Variants in ARL15 observed in about 807,000 individuals in gnomAD.
The protein encoded by ARL15 is ARF like GTPase 15, also known as ADP-ribosylation factor-like protein 15.
In ARL15, 19 loss-of-function variants were observed where a neutral mutation model predicts 25.2. That is an observed-to-expected ratio of 0.75 (90% CI 0.53 to 1.10). ARL15 has a LOEUF of 1.10. Ranked by LOEUF, ARL15 falls within the 50% of genes least tolerant of loss-of-function variation. The pLI, the probability that ARL15 is intolerant of heterozygous loss-of-function variation, is 0.00. For synonymous variants in ARL15, 94 were observed against 86.8 expected (o/e 1.08, Z -0.46); for missense variants, 220 against 246.0 (o/e 0.89, Z 0.71).
Position 53,900,052 on chromosome 5 carries a change from GC to G in ARL15, c.463-13340del, listed in dbSNP as rs1042986834. Among the ~76,000 whole-genome samples the G allele has an allele frequency of 2.5e-4, 38 of 152,154 alleles. 1 individual carries two copies. Among genetic ancestry groups the G allele is most frequent in the Non-Finnish European group, 8.8e-5 (6 of 68,026 alleles). ...TACGAAATTATCAGTAACTGAAGAG[GC>G]CTGTGGTTGACAGAAACAGAATGCC... On this transcript the variant is annotated intron_variant, in intron 4 of 4. Coordinates refer to ENST00000504924, the MANE Select transcript of ARL15 (RefSeq NM_019087.3).
At chr5:54,195,417 G>T (rs1561261854) in intron 1 of ARL15, among the ~76,000 whole-genome samples, 1 of 152,118 alleles carries the variant, frequency 6.6e-6, no homozygotes, top group East Asian at 1.9e-4. Flanking sequence ...ACAACTGAAG[G>T]CCCCACAGTC....
At chr5:54,144,522 T>C (rs1212231597) in intron 3 of ARL15, among the ~76,000 whole-genome samples, 2 of 152,232 alleles carry the variant, frequency 1.3e-5, no homozygotes, top group African/African-American at 4.8e-5. Context: ...TCTCTCTGAA[T>C]GTCTTCTTCT....
At chr5:53,968,884 G>A (rs1014355992) in intron 4 of ARL15, among the ~76,000 whole-genome samples, 2 of 151,850 alleles carry the variant, frequency 1.3e-5, no homozygotes, top group South Asian at 2.1e-4. Context: ...GGCTGGGCAC[G>A]GTGACTCACG....
At chr5:54,239,540 T>A (rs2112572333) in intron 1 of ARL15, among the ~76,000 whole-genome samples, 1 of 152,270 alleles carries the variant, frequency 6.6e-6, no homozygotes, top group African/African-American at 2.4e-5. Flanking sequence ...TCTCCTCTCT[T>A]TTGTAGTGAG....
chr5:54,306,391 C>CT (rs11338403), intron 1 of ARL15, among the ~76,000 whole-genome samples: 42,464 of 134,442 alleles, frequency 0.32, 7,836 homozygotes, highest in Non-Finnish European at 0.41. Context: ...AATACGTTAA[C>CT]TTTTTTTTTT....
intron 4 of ARL15, among the ~76,000 whole-genome samples, chr5:54,096,355 T>A (rs1752287039): frequency 6.6e-6 from 1 of 152,224 alleles, no homozygotes; most frequent in Non-Finnish European, 1.5e-5. Context: ...CAAAAAATAT[T>A]GTTTGAAGAG....
At position 54,100,663 on chromosome 5, in the gene ARL15, T is replaced by C. The variant is rs192858179; in HGVS notation, c.462+12539A>G. Among the ~76,000 whole-genome samples the C allele has an allele frequency of 6.4e-3, 973 of 152,176 alleles. 6 individuals are homozygous for C. Among genetic ancestry groups the C allele is most frequent in the Middle Eastern group, 0.014 (4 of 294 alleles). ...ATTAAAATTAATTTTCTTAAAAGTG[T>C]TTTAGAAGTACCATCTTTAAGAAAA... On this transcript the variant is annotated intron_variant, in intron 4 of 4. Transcript: ENST00000504924.
intron 3 of ARL15, among the ~76,000 whole-genome samples, chr5:54,143,871 G>A (rs778770475): frequency 1.7e-4 from 26 of 152,014 alleles, no homozygotes; most frequent in Admixed American, 6.5e-5. Context: ...ATTCATTTAT[G>A]AATATATCAT....
At chr5:54,286,515 T>A (rs1001246427) in intron 1 of ARL15, among the ~76,000 whole-genome samples, 1 of 152,210 alleles carries the variant, frequency 6.6e-6, no homozygotes, top group African/African-American at 2.4e-5. Flanking sequence ...CTAGCAGAAA[T>A]AACCTGAGAT....
At chr5:54,298,178 C>T (rs1010726655) in intron 1 of ARL15, among the ~76,000 whole-genome samples, 2 of 152,084 alleles carry the variant, frequency 1.3e-5, no homozygotes, top group Non-Finnish European at 2.9e-5. Flanking sequence ...ACTAAGTTCC[C>T]GCACCCCATT....
intron 4 of ARL15, among the ~76,000 whole-genome samples, chr5:53,892,442 T>G (rs1426568029): frequency 6.6e-6 from 1 of 152,150 alleles, no homozygotes; most frequent in Admixed American, 6.5e-5. Flanking sequence ...TGCAAGAGAA[T>G]CTGTTAACTG....
At chr5:54,075,656 T>G (rs1751575328) in intron 4 of ARL15, 1 of 151,952 alleles carries the variant, frequency 6.6e-6, no homozygotes, top group Non-Finnish European at 1.5e-5. Flanking sequence ...CTGGCTAATT[T>G]TTGTATTTTT....
intron 3 of ARL15, among the ~76,000 whole-genome samples, chr5:54,115,913 C>G (rs1173589102): frequency 2.0e-5 from 3 of 152,168 alleles, no homozygotes; most frequent in African/African-American, 7.2e-5. Context: ...TCCCTAGACA[C>G]AGAGCCTGAG....
At chr5:54,268,403 T>A (rs569409392) in intron 1 of ARL15, among the ~76,000 whole-genome samples, 2 of 152,332 alleles carry the variant, frequency 1.3e-5, no homozygotes, top group South Asian at 2.1e-4. Context: ...TTCTTTGCCT[T>A]TGGTTTGAAT....
At chr5:54,048,804 A>T (rs1478778399) in intron 4 of ARL15, among the ~76,000 whole-genome samples, 2 of 151,722 alleles carry the variant, frequency 1.3e-5, no homozygotes, top group African/African-American at 2.4e-5. Flanking sequence ...GGAAAAAAAA[A>T]AAAAACAACA....
chr5:54,306,823 G>A (rs1000401961), intron 1 of ARL15, among the ~76,000 whole-genome samples: 10 of 152,210 alleles, frequency 6.6e-5, no homozygotes, highest in Admixed American at 3.9e-4. Flanking sequence ...TTTTGATGGC[G>A]CAGAGGGAAA....
chr5:53,893,372 A>T (rs1025718089), intron 4 of ARL15, among the ~76,000 whole-genome samples: 53 of 152,094 alleles, frequency 3.5e-4, no homozygotes, highest in Non-Finnish European at 5.3e-4. Context: ...TTTGGGAGGC[A>T]GAGGTGGGCG....
chr5:54,029,656 T>C (rs1180854205), intron 4 of ARL15, among the ~76,000 whole-genome samples: 4 of 152,074 alleles, frequency 2.6e-5, no homozygotes, highest in Non-Finnish European at 5.9e-5. Flanking sequence ...GCCAGCAGTT[T>C]GAGACTAGCT....
At chr5:54,280,870 T>C (rs752860300) in intron 1 of ARL15, among the ~76,000 whole-genome samples, 6 of 151,956 alleles carry the variant, frequency 3.9e-5, no homozygotes, top group Non-Finnish European at 7.4e-5. Context: ...TATCACTTAA[T>C]CTGATTAGAA....
Sources: allele counts gnomAD v4.1 joint callset (sites outside exome capture counted in the v4.1 genomes callset), GRCh38; gene constraint gnomAD v4.1.1; transcripts MANE v1.5; gene names NCBI Gene and HGNC (gene_info 2026-07-23, HGNC 2026-07-21).